CCDC187: variants seen among roughly 807,000 people sequenced by gnomAD.
CCDC187 encodes coiled-coil domain-containing protein 187.
In CCDC187, 32 loss-of-function variants were observed where a neutral mutation model predicts 38.0. The observed-to-expected ratio is 0.84, with a 90% CI of 0.64 to 1.13. The LOEUF is 1.13. Ranked by LOEUF, CCDC187 falls within the 50% of genes most tolerant of loss-of-function variation. The pLI is 0.00. For synonymous variants in CCDC187, 333 were observed against 347.9 expected (o/e 0.96, Z 0.48); for missense variants, 707 against 786.8 (o/e 0.90, Z 1.21).
Position 136,286,322 on chromosome 9 carries a change from G to A in CCDC187, c.2596C>T (p.Pro866Ser). The change falls in exon 8 of 26, where the codon CCC (proline) becomes TCC (serine). Residue 866 changes from proline (P) to serine (S), a missense_variant. By Grantham distance (74) the Pro-to-Ser change is moderately conservative (BLOSUM62 -1). Transcript: ENST00000638797. ...GTGGGGGCGGCAGGTAGGCTGTGGG[G>A]GCACGAGCGCAGCAGGCCCACAGCT... is the stretch of plus-strand genomic sequence containing the variant. ...DPAVGLLRSC[P>S]HSLPAAPTLA... The A allele has an allele frequency of 2.5e-6, 1 of 398,650 alleles. No individual in the cohort carries two copies. Among genetic ancestry groups the A allele is most frequent in the Non-Finnish European group, 4.4e-6 (1 of 226,062 alleles). 24.7% of individuals were successfully genotyped at this position (398,650 alleles called of 1,614,324 possible).
intron 14 of CCDC187, among the ~76,000 whole-genome samples, chr9:136,271,703 G>T (rs1830843143): frequency 6.7e-6 from 1 of 150,116 alleles, no homozygotes; most frequent in Non-Finnish European, 1.5e-5. Context: ...CGCCTCCTGG[G>T]TTCACGCCAT....
chr9:136,291,242 C>T lies in CCDC187; in HGVS notation c.1371G>A (p.Glu457=). Residue 457 remains glutamate (E), a synonymous_variant, in exon 6 of 26, where the codon GAG becomes GAA. Coordinates refer to ENST00000638797, the MANE Select transcript of CCDC187 (RefSeq NM_001378188.1). ...WEPWSSSTAR[E]SCPQRAWGAQ... Reference sequence around the variant, plus strand: ...CCCCCCAGGCCCTCTGCGGACAGGACTCCCGTGCAGTGGAGGAGCTCCAGG... The same window carrying T: ...CCCCCCAGGCCCTCTGCGGACAGGATTCCCGTGCAGTGGAGGAGCTCCAGG... The T allele has an allele frequency of 2.5e-6, 1 of 398,470 alleles. No individual in the cohort carries two copies. The allele number at this position is 398,470 out of a possible 1,614,324, so 24.7% of individuals were successfully genotyped here.
chr9:136,280,522 G>GCA (rs1332769464), intron 10 of CCDC187, among the ~76,000 whole-genome samples: 1 of 152,082 alleles, frequency 6.6e-6, no homozygotes, highest in African/African-American at 2.4e-5. Context: ...ACATGCACGT[G>GCA]CACACACACA....
rs1237866774 is a variant in CCDC187, at chr9:136,291,394, C to A, written c.1219G>T (p.Asp407Tyr). 2 of 398,950 alleles carry A rather than the reference C, an allele frequency of 5.0e-6. No homozygotes were observed. The highest frequency in any genetic ancestry group is 4.1e-5 in the African/African-American group (2 of 48,636). 24.7% of individuals were successfully genotyped at this position (398,950 alleles called of 1,614,324 possible). A position where few individuals can be genotyped will look rare whatever the true frequency, so the allele number is the denominator to read the frequency against. Residue 407 changes from aspartate to tyrosine, a missense_variant, in exon 6 of 26, where the codon GAC (aspartate) becomes TAC (tyrosine). Asp to Tyr is a radical substitution (Grantham distance 160, BLOSUM62 -3). Coordinates refer to ENST00000638797, the MANE Select transcript of CCDC187 (RefSeq NM_001378188.1). ...ELGPSKRRLQ[D>Y]VAGRGCCRDP... ...CTGCAGCAGCCCCTCCCTGCCACGT[C>A]CTGCAGCCTCCGCTTTGATGGCCCG...
intron 23 of CCDC187, 72 bp from the exon 24 acceptor site, chr9:136,256,395 G>C: frequency 1.3e-6 from 1 of 762,240 alleles, no homozygotes. Context: ...GTAGCTGGAT[G>C]GAGCCCCTGT....
intron 9 of CCDC187, among the ~76,000 whole-genome samples, chr9:136,282,605 G>A: frequency 1.3e-5 from 2 of 152,336 alleles, no homozygotes; most frequent in Middle Eastern, 6.8e-3. Context: ...ACCCACTGGA[G>A]TGGCTGAAGA....
rs1564303111 is a variant in CCDC187, at chr9:136,251,885, CG to C, written c.*1708del. On this transcript the variant is annotated 3_prime_UTR_variant, in exon 26 of 26. Transcript: ENST00000638797. ...CCGGTCCACCCCGGGAAGGTCCAGG[CG>C]ACCGTCCCGCGGAGCCGGCCGCCCA... is the stretch of plus-strand genomic sequence containing the variant. The C allele has an allele frequency of 1.1e-3, 152 of 143,522 alleles. 1 individual carries two copies. The highest frequency in any genetic ancestry group is 4.2e-3 in the Middle Eastern group (1 of 238). 8.9% of individuals were successfully genotyped at this position (143,522 alleles called of 1,614,324 possible).
chr9:136,273,318 G>A (rs188731341), intron 14 of CCDC187, among the ~76,000 whole-genome samples: 81 of 152,272 alleles, frequency 5.3e-4, no homozygotes, highest in African/African-American at 1.9e-3. Context: ...AAAGTAAAAG[G>A]ATGGCAGTGG....
Position 136,251,718 on chromosome 9 carries a change from C to T in CCDC187, c.*1876G>A. The T allele has an allele frequency of 6.5e-6, 1 of 154,446 alleles. No homozygotes were observed. 9.6% of individuals were successfully genotyped at this position (154,446 alleles called of 1,614,324 possible). A position where few individuals can be genotyped will look rare whatever the true frequency, so the allele number is the denominator to read the frequency against. ...TTGGCGACTCTGACTGTTCTTGCCT[C>T]TGGGCTGCAACGCCTTTTCTTGGAC... On this transcript the variant is annotated 3_prime_UTR_variant, in exon 26 of 26. Transcript: ENST00000638797.
Position 136,253,821 on chromosome 9 carries a change from G to A in CCDC187, c.6007C>T (p.Pro2003Ser), listed in dbSNP as rs1441497974. 3 of 985,280 alleles carry A rather than the reference G, an allele frequency of 3.0e-6. No individual in the cohort carries two copies. The African/African-American group carries it at 5.2e-5, about 17-fold the overall frequency. The allele number at this position is 985,280 out of a possible 1,614,324, so 61.0% of individuals were successfully genotyped here. Residue 2003 changes from proline (P) to serine (S), a missense_variant, in exon 26 of 26, where the codon CCG (proline) becomes TCG (serine). Physicochemically the swap from Pro to Ser is moderately conservative, Grantham distance 74. Coordinates refer to ENST00000638797, the MANE Select transcript of CCDC187 (RefSeq NM_001378188.1). ...GGGGCCTCCCTGTGGATGGAGGACG[G>A]GAGGTCGGCACTGCCGTAGGACAGC... is the stretch of plus-strand genomic sequence containing the variant. ...ELLSYGSADLPSSIHREAPLP... is the reference protein window; with the variant it reads ...ELLSYGSADLSSSIHREAPLP...
chr9:136,289,724 C>T (rs1480719295), intron 7 of CCDC187, among the ~76,000 whole-genome samples: 3 of 152,260 alleles, frequency 2.0e-5, no homozygotes, highest in African/African-American at 7.2e-5. Flanking sequence ...TGCACTTTAA[C>T]GTGGTGGATT....
chr9:136,287,784 A>G (rs1831216327), intron 7 of CCDC187, among the ~76,000 whole-genome samples: 1 of 152,206 alleles, frequency 6.6e-6, no homozygotes, highest in African/African-American at 2.4e-5. Context: ...CAGGAAGTAG[A>G]ATGGTGGCTG....
upstream of CCDC187, among the ~76,000 whole-genome samples, chr9:136,305,336 C>G (rs927556301): frequency 9.7e-4 from 147 of 152,326 alleles, no homozygotes; most frequent in African/African-American, 3.3e-3. Flanking sequence ...GGTGTGACCA[C>G]AGGGTCCCCC....
chr9:136,279,907 C>A (rs990783507), intron 10 of CCDC187, among the ~76,000 whole-genome samples: 2 of 152,196 alleles, frequency 1.3e-5, no homozygotes, highest in African/African-American at 4.8e-5. Context: ...AGAGTCCCAC[C>A]CCGTCGTCCT....
At chr9:136,284,667 A>G (rs1486332547) in intron 9 of CCDC187, among the ~76,000 whole-genome samples, 1 of 149,404 alleles carries the variant, frequency 6.7e-6, no homozygotes, top group African/African-American at 2.5e-5. Flanking sequence ...CACCAGCAAG[A>G]GCGAGAGGCC....
chr9:136,270,474 A>G (rs186319263), intron 14 of CCDC187, among the ~76,000 whole-genome samples: 16 of 152,338 alleles, frequency 1.1e-4, no homozygotes, highest in African/African-American at 3.6e-4. Flanking sequence ...TCTGTGTACT[A>G]TAAGAAAGAT....
intron 6 of CCDC187, 105 bp downstream of exon 6, chr9:136,290,381 C>T (rs1045829193): frequency 1.4e-4 from 54 of 397,644 alleles, no homozygotes; most frequent in African/African-American, 2.1e-4. Flanking sequence ...AGCCCTCGCC[C>T]GGCCACTCCC....
At chr9:136,281,788 G>T (rs907731202) in intron 9 of CCDC187, 125 bp from the exon 10 acceptor site, 3 of 397,478 alleles carry the variant, frequency 7.5e-6, no homozygotes, top group Non-Finnish European at 8.9e-6. Flanking sequence ...GCAGCTCTCA[G>T]ACCCCCAACA....
chr9:136,271,693 C>T (rs1830842847), intron 14 of CCDC187, among the ~76,000 whole-genome samples: 1 of 149,924 alleles, frequency 6.7e-6, no homozygotes, highest in South Asian at 2.1e-4. Flanking sequence ...CTGCAAGCTC[C>T]GCCTCCTGGG....
Sources: allele counts gnomAD v4.1 joint callset (sites outside exome capture counted in the v4.1 genomes callset), GRCh38; gene constraint gnomAD v4.1.1; transcripts MANE v1.5; gene names NCBI Gene and HGNC (gene_info 2026-07-23, HGNC 2026-07-21).